HK1: variants seen among roughly 807,000 people sequenced by gnomAD.
HK1 encodes hexokinase 1, also known as hexokinase-1.
Under a neutral mutation model 91.6 loss-of-function variants are expected in HK1, and 28 were observed. The observed-to-expected ratio is 0.31, with a 90% CI of 0.23 to 0.42. The LOEUF is 0.42. Among genes scored for constraint, HK1 ranks in the 10% least tolerant of loss-of-function variants. The probability of loss-of-function intolerance (pLI) is 1.00; values close to 1 mark genes in which losing one functional copy is unlikely to be tolerated. For synonymous variants in HK1, 430 were observed against 468.1 expected, an observed-to-expected ratio of 0.92 and a Z score of 1.05; for missense variants, 770 against 1,219.8, an observed-to-expected ratio of 0.63 and a Z score of 5.49.
intron 4 of HK1, chr10:69,300,471 T>C: frequency 1.2e-6 from 1 of 839,256 alleles, no homozygotes; most frequent in Non-Finnish European, 1.9e-6. Flanking sequence ...TGTGTTTTCG[T>C]CTTGCTTCTT....
chr10:69,325,685 T>C (rs972887367), intron 1 of HK1, among the ~76,000 whole-genome samples: 6 of 151,890 alleles, frequency 4.0e-5, no homozygotes, highest in South Asian at 4.2e-4. Flanking sequence ...TACAGTCGCC[T>C]GCCACCATGC....
In HK1 at chr10:69,319,024, C is replaced by T. The variant is rs964971476; in HGVS notation, c.63+14C>T. On this transcript the variant is annotated intron_variant, in intron 1 of 17. Coordinates refer to ENST00000359426, the MANE Select transcript of HK1 (RefSeq NM_000188.3). ...CAGGTCAAAAAGGTGAGCCCCCGCC[C>T]GCGCCGCCGCTGGTCCTGGCCGCAG... The T allele has an allele frequency of 8.8e-6, 14 of 1,592,162 alleles. No homozygotes were observed. Among genetic ancestry groups the T allele is most frequent in the Non-Finnish European group, 1.1e-5 (13 of 1,170,250 alleles).
chr10:69,361,470 A>C (rs188836183), intron 3 of HK1, among the ~76,000 whole-genome samples: 2 of 152,330 alleles, frequency 1.3e-5, no homozygotes, highest in African/African-American at 4.8e-5. Context: ...ACACTGGCCT[A>C]TCACTCTGTT....
intron 3 of HK1, among the ~76,000 whole-genome samples, chr10:69,360,622 G>C (rs1849371125): frequency 6.6e-6 from 1 of 152,158 alleles, no homozygotes; most frequent in Non-Finnish European, 1.5e-5. Flanking sequence ...CACTCCTGTT[G>C]GGGCTCCCCA....
chr10:69,346,323 T>C lies in HK1; in HGVS notation c.226+2334T>C, dbSNP rs77852712. On this transcript the variant is annotated intron_variant, in intron 2 of 17. Transcript: ENST00000359426. ...CCATGGTGGAGCAATGCCTAAGTGG[T>C]GATGTGATTTCCAAGGCAAAGGAAG... Among the ~76,000 whole-genome samples, 1,093 of 152,274 alleles carry C rather than the reference T, an allele frequency of 7.2e-3. 9 individuals are homozygous for C. The highest frequency in any genetic ancestry group is 0.024 in the Middle Eastern group (7 of 294).
intron 1 of HK1, among the ~76,000 whole-genome samples, chr10:69,273,031 C>T (rs1458442979): frequency 6.8e-6 from 1 of 146,704 alleles, no homozygotes; most frequent in African/African-American, 2.5e-5. Flanking sequence ...TTCTTTTTTA[C>T]CTTTTTTTTT....
At chr10:69,288,489 C>T (rs1403600439) in intron 2 of HK1, among the ~76,000 whole-genome samples, 1 of 152,138 alleles carries the variant, frequency 6.6e-6, no homozygotes, top group Non-Finnish European at 1.5e-5. Flanking sequence ...CAATACTCTG[C>T]CTCAAACAAA....
chr10:69,273,771 A>G (rs1332949231), intron 1 of HK1, among the ~76,000 whole-genome samples: 1 of 152,222 alleles, frequency 6.6e-6, no homozygotes, highest in Non-Finnish European at 1.5e-5. Flanking sequence ...ATATTTTTCA[A>G]TTGTAGAATA....
At chr10:69,284,188 G>A (rs933443178) in intron 2 of HK1, among the ~76,000 whole-genome samples, 1 of 152,084 alleles carries the variant, frequency 6.6e-6, no homozygotes, top group African/African-American at 2.4e-5. Context: ...TAAGAATGGA[G>A]GAGCCTGATT....
intron 1 of HK1, among the ~76,000 whole-genome samples, chr10:69,276,118 A>AAAAAAAAAAATATATAT: frequency 5.2e-5 from 2 of 38,272 alleles, no homozygotes; most frequent in African/African-American, 7.5e-5. Context: ...AAAAAAAAAA[A>AAAAAAAAAAATATATAT]ATACATATAT....
intron 13 of HK1, among the ~76,000 whole-genome samples, 199 bp from the exon 14 acceptor site, chr10:69,388,998 T>A (rs1193363770): frequency 6.6e-6 from 1 of 152,202 alleles, no homozygotes; most frequent in Non-Finnish European, 1.5e-5. Flanking sequence ...CTTCCTTAGA[T>A]CTCATGTTTC....
At chr10:69,310,876 G>A (rs1288619050), upstream of HK1, among the ~76,000 whole-genome samples, 2 of 152,178 alleles carry the variant, frequency 1.3e-5, no homozygotes, top group Non-Finnish European at 1.5e-5. Flanking sequence ...GGCCAAAATG[G>A]TGAAACCCTG....
chr10:69,388,202 G>A (rs1229614543), intron 13 of HK1, among the ~76,000 whole-genome samples: 1 of 152,128 alleles, frequency 6.6e-6, no homozygotes, highest in Non-Finnish European at 1.5e-5. Flanking sequence ...AACTTTGGGA[G>A]GCCAAGGCAG....
intron 1 of HK1, among the ~76,000 whole-genome samples, chr10:69,330,102 T>C (rs1269791271): frequency 2.0e-5 from 3 of 152,180 alleles, no homozygotes; most frequent in African/African-American, 7.2e-5. Flanking sequence ...CTGGGGGTAC[T>C]GTAAGCAGCT....
At chr10:69,394,532 G>A (rs78156311) in intron 15 of HK1, among the ~76,000 whole-genome samples, 3,502 of 152,222 alleles carry the variant, frequency 0.023, 56 homozygotes, top group Non-Finnish European at 0.035. Context: ...GTCCTCTTGG[G>A]GCTGTCACTA....
At chr10:69,282,244 T>G (rs942439067) in intron 1 of HK1, among the ~76,000 whole-genome samples, 4 of 152,166 alleles carry the variant, frequency 2.6e-5, no homozygotes, top group African/African-American at 9.6e-5. Context: ...GAGTGGCCAT[T>G]GTCATCACCA....
At chr10:69,320,572 A>T (rs1265196522) in intron 1 of HK1, among the ~76,000 whole-genome samples, 3 of 152,138 alleles carry the variant, frequency 2.0e-5, no homozygotes, top group Non-Finnish European at 4.4e-5. Context: ...CCATTGGACC[A>T]GGGAGACAGT....
intron 4 of HK1, among the ~76,000 whole-genome samples, chr10:69,297,872 G>A (rs1409747835): frequency 6.7e-6 from 1 of 148,876 alleles, no homozygotes; most frequent in Non-Finnish European, 1.5e-5. Context: ...CTCCAGCTTG[G>A]GCCACAGAGT....
At position 69,364,713 on chromosome 10, in the gene HK1, T is replaced by A. The variant is rs533563760; in HGVS notation, c.376-70T>A. 167 of 1,571,578 alleles carry A rather than the reference T, an allele frequency of 1.1e-4. No individual in the cohort carries two copies. In the Admixed American group the frequency reaches 2.8e-3, roughly 26 times the overall value. ...TCCTTTCTGTGTGTGTGGGAGGGAATGGTTTATATTTTTCTATGAAATGCT... is the reference window on the plus strand; with the variant it reads ...TCCTTTCTGTGTGTGTGGGAGGGAAAGGTTTATATTTTTCTATGAAATGCT... On this transcript the variant is annotated intron_variant, in intron 3 of 17. Coordinates refer to ENST00000359426, the MANE Select transcript of HK1 (RefSeq NM_000188.3).
Sources: gnomAD v4.1 joint callset for allele counts (sites outside exome capture counted in the v4.1 genomes callset) on GRCh38, gnomAD v4.1.1 for gene constraint, MANE v1.5 for transcripts, NCBI Gene and HGNC (gene_info 2026-07-23, HGNC 2026-07-21) for gene names.